The following ATXN7 variants were observed in gnomAD, a reference collection of about 807,000 sequenced individuals.
ATXN7 encodes ataxin-7.
A neutral mutation model predicts 70.5 loss-of-function variants in ATXN7; 12 were observed. The observed-to-expected ratio is 0.17, with a 90% confidence interval of 0.11 to 0.28. ATXN7 has a LOEUF of 0.28. ATXN7 is among the 10% of genes least tolerant of loss of function. The pLI is 1.00. For synonymous variants in ATXN7, 498 were observed against 448.7 expected, an observed-to-expected ratio of 1.11 and a Z score of -1.39; for missense variants, 1,256 against 1,131.7, an observed-to-expected ratio of 1.11 and a Z score of -1.58.
intron 1 of ATXN7, among the ~76,000 whole-genome samples, chr3:63,889,551 A>C (rs188940977): frequency 6.6e-6 from 1 of 152,210 alleles, no homozygotes; most frequent in Non-Finnish European, 1.5e-5. Flanking sequence ...AGAAAAATCA[A>C]ATCTTCAGAT....
At chr3:63,972,780 G>GCA (rs1251391082) in intron 5 of ATXN7, among the ~76,000 whole-genome samples, 2 of 152,162 alleles carry the variant, frequency 1.3e-5, no homozygotes, top group Non-Finnish European at 2.9e-5. Flanking sequence ...TCCTGAAATG[G>GCA]CACGTAAAAA....
intron 4 of ATXN7, among the ~76,000 whole-genome samples, chr3:63,926,972 A>G (rs1236916765): frequency 6.6e-6 from 1 of 152,144 alleles, no homozygotes; most frequent in East Asian, 1.9e-4. Context: ...ACCTTCATCC[A>G]TGTCCCTGCA....
intron 1 of ATXN7, among the ~76,000 whole-genome samples, chr3:63,871,965 C>T (rs1424274681): frequency 1.3e-5 from 2 of 151,622 alleles, no homozygotes; most frequent in African/African-American, 4.8e-5. Context: ...CCTTTATTTG[C>T]ACCTGCATCT....
chr3:63,923,718 C>T (rs1036000074), intron 4 of ATXN7, among the ~76,000 whole-genome samples: 2 of 152,066 alleles, frequency 1.3e-5, no homozygotes, highest in Admixed American at 1.3e-4. Context: ...CACTTGTGCC[C>T]AGGAGGTCGA....
At chr3:63,975,148 A>G (rs945727040) in intron 5 of ATXN7, among the ~76,000 whole-genome samples, 1 of 152,270 alleles carries the variant, frequency 6.6e-6, no homozygotes, top group East Asian at 1.9e-4. Context: ...ATGCATTTTC[A>G]TTCTCAAAAC....
At chr3:63,922,298 T>C (rs1432788285) in intron 4 of ATXN7, among the ~76,000 whole-genome samples, 1 of 152,122 alleles carries the variant, frequency 6.6e-6, no homozygotes, top group Non-Finnish European at 1.5e-5. Context: ...CACCTCAGCC[T>C]CCCGGAGTGT....
rs528224210 is a variant in ATXN7 at position 63,999,606 on chromosome 3, G to T, written c.*139G>T. 4.1e-6 allele frequency: 6 copies of T among 1,473,624 alleles called. No individual in the cohort carries two copies. Among genetic ancestry groups the T allele is most frequent in the Non-Finnish European group, 5.6e-6 (6 of 1,075,098 alleles). 91.3% of individuals were successfully genotyped at this position (1,473,624 alleles called of 1,614,324 possible). ...TGGGCCTCAAGGGTAGAAACCTGCC[G>T]GGCTGTTGTTTTAACGAGGATTTCC... On this transcript the variant is annotated 3_prime_UTR_variant, in exon 13 of 13. Coordinates refer to ENST00000674280, the MANE Select transcript of ATXN7 (RefSeq NM_001377405.1).
chr3:63,971,323 C>T (rs191803483), intron 5 of ATXN7, among the ~76,000 whole-genome samples: 60 of 152,250 alleles, frequency 3.9e-4, no homozygotes, highest in African/African-American at 1.4e-3. Flanking sequence ...TTTGAATGTT[C>T]CAGGGACAGT....
intron 1 of ATXN7, among the ~76,000 whole-genome samples, chr3:63,894,753 G>A (rs1402685409): frequency 6.6e-6 from 1 of 152,078 alleles, no homozygotes; most frequent in African/African-American, 2.4e-5. Flanking sequence ...TGAACTCCTG[G>A]ACTTAAGCAG....
chr3:63,963,224 G>C (rs2075161514), intron 5 of ATXN7, among the ~76,000 whole-genome samples: 1 of 151,952 alleles, frequency 6.6e-6, no homozygotes, highest in African/African-American at 2.4e-5. Context: ...CCAGAATTTT[G>C]TATTTAATTT....
chr3:63,982,592 T>C, intron 7 of ATXN7, 147 bp downstream of exon 7: 1 of 760,052 alleles, frequency 1.3e-6, no homozygotes, highest in Non-Finnish European at 2.1e-6. Flanking sequence ...AATATGTTTG[T>C]TCTTTTCACT....
Position 63,912,920 on chromosome 3 carries a change from G to T in ATXN7, c.322G>T (p.Asp108Tyr), listed in dbSNP as rs564106533. The change falls in exon 3 of 13, where the codon GAC becomes TAC. Residue 108 changes from aspartate to tyrosine, a missense_variant. By Grantham distance (160) the Asp-to-Tyr change is radical (BLOSUM62 -3). Transcript: ENST00000674280. ...TGAGGCTTCCAAACTTCCTGGGAAG[G>T]ACGGTGAGTGTCCACGCCCTCCTCC... The part of the protein sequence containing the change: ...WVEASKLPGK[D>Y]GTELDESFKE... 2.5e-6 allele frequency: 4 copies of T among 1,610,392 alleles called. No individual in the cohort carries two copies. The highest frequency in any genetic ancestry group is 2.2e-5 in the East Asian group (1 of 44,618).
Position 63,926,853 on chromosome 3 carries a change from C to T in ATXN7, c.394+13628C>T, listed in dbSNP as rs535512586. Among the ~76,000 whole-genome samples, 246 of 152,126 alleles carry T rather than the reference C, an allele frequency of 1.6e-3. 2 individuals are homozygous for T. The highest frequency in any genetic ancestry group is 1.0e-4 in the Non-Finnish European group (7 of 67,964). ...CCAACAGGCTCCAGTGTGTCATGTT[C>T]CCCTCCCTGTGTCCATGTGTTCTCA... On this transcript the variant is annotated intron_variant, in intron 4 of 12. Coordinates refer to ENST00000674280, the MANE Select transcript of ATXN7 (RefSeq NM_001377405.1).
rs1035904446 is a variant in ATXN7 at position 63,991,019 on chromosome 3, C to G, written c.1682+160C>G. The G allele has an allele frequency of 1.6e-5, 16 of 1,012,008 alleles. No individual in the cohort carries two copies. The African/African-American group carries it at 2.1e-4, about 13-fold the overall frequency. 62.7% of individuals were successfully genotyped at this position (1,012,008 alleles called of 1,614,324 possible). The stretch of plus-strand genomic sequence containing the variant: ...CTTGTCATTCATTCATTCATTTACC[C>G]CTTTACCCCACAACTACATATTGTT... On this transcript the variant is annotated intron_variant, in intron 11 of 12. Transcript: ENST00000674280.
At chr3:63,982,824 G>C in intron 7 of ATXN7, 115 bp from the exon 8 acceptor site, 1 of 798,768 alleles carries the variant, frequency 1.3e-6, no homozygotes, top group Non-Finnish European at 2.1e-6. Flanking sequence ...TTGATAATGT[G>C]GCTTTTATTC....
At chr3:63,902,006 TGATGAATACAG>T (rs1703659854) in intron 2 of ATXN7, 1 of 152,142 alleles carries the variant, frequency 6.6e-6, no homozygotes, top group Admixed American at 6.6e-5. Flanking sequence ...AGTGATTGCT[TGATGAATACAG>T]GGTTTCCTTT....
chr3:63,891,657 CA>C (rs1219971008), intron 1 of ATXN7, among the ~76,000 whole-genome samples: 1 of 152,114 alleles, frequency 6.6e-6, no homozygotes. Flanking sequence ...TGGATTCAGT[CA>C]CATGTCTCTA....
chr3:63,884,790 C>T (rs1175647809), intron 1 of ATXN7, among the ~76,000 whole-genome samples: 1 of 151,950 alleles, frequency 6.6e-6, no homozygotes, highest in East Asian at 1.9e-4. Flanking sequence ...GCTGGAACTA[C>T]AGGTGTGTGC....
chr3:63,915,244 T>G (rs1704216102), intron 4 of ATXN7, among the ~76,000 whole-genome samples: 1 of 152,146 alleles, frequency 6.6e-6, no homozygotes, highest in Admixed American at 6.5e-5. Context: ...TTGTTAGTGT[T>G]TTTTAAGGGT....
Sources: gnomAD v4.1 joint callset for allele counts (sites outside exome capture counted in the v4.1 genomes callset) on GRCh38, gnomAD v4.1.1 for gene constraint, MANE v1.5 for transcripts, NCBI Gene and HGNC (gene_info 2026-07-23, HGNC 2026-07-21) for gene names.